TECR: variants seen among roughly 807,000 people sequenced by gnomAD.
TECR encodes the protein trans-2,3-enoyl-CoA reductase.
Under a neutral mutation model 50.6 loss-of-function variants are expected in TECR, and 19 were observed. The ratio of observed to expected loss-of-function variants is 0.38; its 90% confidence interval spans 0.26 to 0.55. The LOEUF (loss-of-function observed/expected upper bound fraction) is 0.55. Among genes scored for constraint, TECR ranks in the 20% least tolerant of loss-of-function variants. TECR has a pLI of 0.79. For missense variants in TECR, 313 were observed against 408.3 expected, an observed-to-expected ratio of 0.77 and a Z score of 2.01; for synonymous variants, 168 against 163.5, an observed-to-expected ratio of 1.03 and a Z score of -0.21.
rs766073566 is a variant in TECR, at chr19:14,529,647, G to A, written c.-50G>A. 1.2e-6 allele frequency: 2 copies of A among 1,613,512 alleles called. No individual in the cohort carries two copies. Among genetic ancestry groups the A allele is most frequent in the Non-Finnish European group, 1.7e-6 (2 of 1,179,732 alleles). ...CTGTAGGGAGCCTGTGCTGTGCCGC[G>A]CAGTTAGGCAGCAGCAGCCGCGGAG... On this transcript the variant is annotated 5_prime_UTR_variant, in exon 1 of 13. Coordinates refer to ENST00000215567, the MANE Select transcript of TECR (RefSeq NM_138501.6).
intron 1 of TECR, among the ~76,000 whole-genome samples, chr19:14,541,262 C>T (rs2073089005): frequency 6.6e-6 from 1 of 152,168 alleles, no homozygotes; most frequent in South Asian, 2.1e-4. Context: ...TAGGTGTATG[C>T]CACCGTGCCT....
rs766661122 is a variant in TECR, at chr19:14,564,298, G to A, written c.489+11G>A. Reference sequence around the variant, plus strand: ...CGCAACATCTTCAAGGTGAGAGCCCGTCCCCGCCTCACCCCTAAGCCCCGC... The same window carrying A: ...CGCAACATCTTCAAGGTGAGAGCCCATCCCCGCCTCACCCCTAAGCCCCGC... On this transcript the variant is annotated intron_variant, in intron 7 of 12. Coordinates refer to ENST00000215567, the MANE Select transcript of TECR (RefSeq NM_138501.6). The A allele has an allele frequency of 6.3e-7, 1 of 1,590,752 alleles. No individual in the cohort carries two copies. Among genetic ancestry groups the A allele is most frequent in the Non-Finnish European group, 8.5e-7 (1 of 1,171,336 alleles).
At chr19:14,545,630 C>T (rs1479764907) in intron 1 of TECR, 1 of 191,482 alleles carries the variant, frequency 5.2e-6, no homozygotes, top group Non-Finnish European at 1.1e-5. Flanking sequence ...GCAGCTGGCA[C>T]AGGCAGGCCC....
At chr19:14,535,464 G>T (rs553409971) in intron 1 of TECR, among the ~76,000 whole-genome samples, 1 of 118,902 alleles carries the variant, frequency 8.4e-6, no homozygotes, top group Non-Finnish European at 1.6e-5. Flanking sequence ...CCGAGATCGC[G>T]CCACTGCACT....
chr19:14,534,274 G>A (rs1398147472), intron 1 of TECR, among the ~76,000 whole-genome samples: 5 of 148,834 alleles, frequency 3.4e-5, no homozygotes, highest in Non-Finnish European at 7.5e-5. Context: ...ACAGGTGCCT[G>A]CCACCATGCC....
chr19:14,535,612 G>A (rs186435572), intron 1 of TECR, among the ~76,000 whole-genome samples: 7 of 111,424 alleles, frequency 6.3e-5, no homozygotes, highest in African/African-American at 2.5e-4. Context: ...AAATTAGCCA[G>A]GCATCATGGT....
rs553564334 is a variant in TECR at position 14,563,765 on chromosome 19, G to A, written c.164-35G>A. ...CCTGGGTGGCAGTGGGAGAAGGCCC[G>A]GGTAGCCCCTGAGCCCTGGCCCGCC... On this transcript the variant is annotated intron_variant, in intron 4 of 12. Transcript: ENST00000215567. The surrounding 1 kb of genome is among the most constrained non-coding windows in gnomAD (Gnocchi z 5.3). The A allele has an allele frequency of 2.7e-5, 44 of 1,612,384 alleles. No individual in the cohort carries two copies. In the South Asian group the frequency reaches 3.6e-4, roughly 13 times the overall value.
Position 14,563,349 on chromosome 19 carries a change from G to A in TECR, c.118+92G>A. Reference sequence around the variant, plus strand: ...ATCCCATCCTGCACCCCTCTCCCAGGGGCCTGCAGAGATGCCCCAGTGTGG... The same window carrying A: ...ATCCCATCCTGCACCCCTCTCCCAGAGGCCTGCAGAGATGCCCCAGTGTGG... On this transcript the variant is annotated intron_variant, in intron 3 of 12. Coordinates refer to ENST00000215567, the MANE Select transcript of TECR (RefSeq NM_138501.6). This position sits in a 1 kb window ranked among gnomAD's most constrained non-coding sequence, Gnocchi z 5.3. 1 of 1,264,100 alleles carries A rather than the reference G, an allele frequency of 7.9e-7. No individual in the cohort carries two copies. Among genetic ancestry groups the A allele is most frequent in the South Asian group, 1.2e-5 (1 of 82,256 alleles). The allele number at this position is 1,264,100 out of a possible 1,614,324, so 78.3% of individuals were successfully genotyped here.
At chr19:14,544,488 C>T (rs1278503752) in intron 1 of TECR, among the ~76,000 whole-genome samples, 4 of 152,022 alleles carry the variant, frequency 2.6e-5, no homozygotes, top group East Asian at 1.9e-4. Context: ...TGCATGATCT[C>T]GGGGTGTGCG....
chr19:14,533,344 T>C (rs2072744884), intron 1 of TECR, among the ~76,000 whole-genome samples: 1 of 150,928 alleles, frequency 6.6e-6, no homozygotes, highest in Non-Finnish European at 1.5e-5. Flanking sequence ...CACTTCAACC[T>C]GGGAGGTGGA....
chr19:14,561,075 G>C (rs1238684311), intron 1 of TECR, among the ~76,000 whole-genome samples: 1 of 152,134 alleles, frequency 6.6e-6, no homozygotes, highest in Non-Finnish European at 1.5e-5. Flanking sequence ...CTTGTCTCCC[G>C]CTGTCGTTGG....
intron 1 of TECR, among the ~76,000 whole-genome samples, chr19:14,533,514 G>T (rs1191766112): frequency 6.6e-6 from 1 of 152,142 alleles, no homozygotes; most frequent in East Asian, 1.9e-4. Flanking sequence ...TTGGCCCCTG[G>T]AGAGACCTTG....
At chr19:14,551,482 A>G (rs1023666960) in intron 1 of TECR, among the ~76,000 whole-genome samples, 2 of 152,052 alleles carry the variant, frequency 1.3e-5, no homozygotes, top group African/African-American at 4.8e-5. Context: ...AGGCACACCC[A>G]TTTACTAGTT....
At chr19:14,534,737 C>T (rs2072803337) in intron 1 of TECR, among the ~76,000 whole-genome samples, 1 of 151,978 alleles carries the variant, frequency 6.6e-6, no homozygotes, top group Non-Finnish European at 1.5e-5. Context: ...GCACCTTGCC[C>T]AGGGGTGAGT....
chr19:14,562,696 A>G (rs1304767388), intron 2 of TECR, 121 bp downstream of exon 2: 2 of 1,142,288 alleles, frequency 1.8e-6, no homozygotes, highest in East Asian at 2.4e-5. Flanking sequence ...ATGGAGGGGT[A>G]TGCCCTCACT....
At chr19:14,530,335 C>T (rs1026894817) in intron 1 of TECR, 7 of 154,734 alleles carry the variant, frequency 4.5e-5, no homozygotes, top group Non-Finnish European at 8.6e-5. Context: ...AAGCCCAAGT[C>T]TTCTGACTCC....
At chr19:14,528,869 G>A (rs1469735314), upstream of TECR, among the ~76,000 whole-genome samples, 2 of 152,128 alleles carry the variant, frequency 1.3e-5, no homozygotes, top group Non-Finnish European at 2.9e-5. Flanking sequence ...GCTTGAACCC[G>A]GGAGGCGGAG....
chr19:14,550,349 C>T (rs150601058), intron 1 of TECR, among the ~76,000 whole-genome samples: 2 of 152,170 alleles, frequency 1.3e-5, no homozygotes, highest in African/African-American at 2.4e-5. Context: ...AGTCTAGGCT[C>T]TTTGGCAAGC....
intron 1 of TECR, chr19:14,532,434 T>C (rs1440902787): frequency 1.4e-5 from 2 of 146,104 alleles, no homozygotes; most frequent in African/African-American, 5.1e-5. Context: ...TAATCTCAGC[T>C]ACTTGGAGGC....
Sources: gnomAD v4.1 joint callset for allele counts (sites outside exome capture counted in the v4.1 genomes callset) on GRCh38, gnomAD v4.1.1 for gene constraint, Gnocchi (gnomAD v3.1) non-coding constraint, MANE v1.5 for transcripts, NCBI Gene and HGNC (gene_info 2026-07-23, HGNC 2026-07-21) for gene names.